SIPA1L2: variants seen among roughly 807,000 people sequenced by gnomAD.
SIPA1L2 encodes signal-induced proliferation-associated 1-like protein 2.
Under a neutral mutation model 163.9 loss-of-function variants are expected in SIPA1L2, and 56 were observed. That is an observed-to-expected ratio of 0.34 (90% confidence interval 0.28 to 0.43). The LOEUF is 0.43. Among genes scored for constraint, SIPA1L2 ranks in the 20% least tolerant of loss-of-function variants. The probability of loss-of-function intolerance (pLI) is 1.00; values close to 1 mark genes in which losing one functional copy is unlikely to be tolerated. For synonymous variants in SIPA1L2, 877 were observed against 865.7 expected (o/e 1.01, Z -0.23); for missense variants, 1,974 against 2,193.5 (o/e 0.90, Z 2.00).
intron 11 of SIPA1L2, among the ~76,000 whole-genome samples, chr1:232,444,117 A>T (rs574202188): frequency 7.9e-5 from 12 of 152,322 alleles, no homozygotes; most frequent in African/African-American, 2.9e-4. Context: ...AATTTGGCAA[A>T]ACCATTTATT....
chr1:232,573,207 C>T lies in SIPA1L2; in HGVS notation c.-270+967G>A, dbSNP rs544085806. Among the ~76,000 whole-genome samples the T allele has an allele frequency of 1.2e-4, 19 of 152,252 alleles. 1 individual carries two copies. Among genetic ancestry groups the T allele is most frequent in the East Asian group, 9.6e-4 (5 of 5,182 alleles). ...CACAGCAACTAAATGCAGCGCCTGA[C>T]CCTAGAGGGACCCTATATGGAGGGG... On this transcript the variant is annotated intron_variant, in intron 2 of 22. Coordinates refer to ENST00000674635, the MANE Select transcript of SIPA1L2 (RefSeq NM_020808.5).
At chr1:232,568,764 C>A (rs138014021) in intron 2 of SIPA1L2, among the ~76,000 whole-genome samples, 1 of 152,156 alleles carries the variant, frequency 6.6e-6, no homozygotes, top group Non-Finnish European at 1.5e-5. Flanking sequence ...ATAAAGTACA[C>A]CAAAATGCAC....
chr1:232,557,664 T>C (rs1421286656), intron 2 of SIPA1L2, among the ~76,000 whole-genome samples: 1 of 152,208 alleles, frequency 6.6e-6, no homozygotes, highest in Non-Finnish European at 1.5e-5. Flanking sequence ...CCCTATTCCG[T>C]GTTCTGAGAG....
intron 7 of SIPA1L2, among the ~76,000 whole-genome samples, chr1:232,471,806 C>A (rs978251406): frequency 2.6e-5 from 4 of 152,206 alleles, no homozygotes; most frequent in African/African-American, 9.6e-5. Flanking sequence ...TCTTTTTAAA[C>A]CCCTAAAATA....
chr1:232,416,223 A>G (rs928516405), intron 18 of SIPA1L2, among the ~76,000 whole-genome samples: 1 of 152,244 alleles, frequency 6.6e-6, no homozygotes, highest in African/African-American at 2.4e-5. Flanking sequence ...AGGAACCACC[A>G]TCCCCTCCCA....
At chr1:232,609,648 G>A (rs1662137927) in intron 1 of SIPA1L2, among the ~76,000 whole-genome samples, 1 of 151,936 alleles carries the variant, frequency 6.6e-6, no homozygotes, top group Non-Finnish European at 1.5e-5. Flanking sequence ...GGCCAACATA[G>A]TGAAACCCTG....
Position 232,509,179 on chromosome 1 carries a change from C to T in SIPA1L2, c.1483+4678G>A, listed in dbSNP as rs141207030. On this transcript the variant is annotated intron_variant, in intron 3 of 22. Coordinates refer to ENST00000674635, the MANE Select transcript of SIPA1L2 (RefSeq NM_020808.5). ...TGTCACACAGTTTCCTGTGTCCTGC[C>T]ACTCCCCTGCAGAAATCCTTTCACA... is the stretch of plus-strand genomic sequence containing the variant. Among the ~76,000 whole-genome samples, 820 of 152,356 alleles carry T rather than the reference C, an allele frequency of 5.4e-3. 6 individuals carry two copies. The highest frequency in any genetic ancestry group is 6.9e-3 in the Non-Finnish European group (472 of 68,036).
chr1:232,557,997 G>C (rs981758050), intron 2 of SIPA1L2, among the ~76,000 whole-genome samples: 1 of 152,178 alleles, frequency 6.6e-6, no homozygotes, highest in Non-Finnish European at 1.5e-5. Flanking sequence ...TGTCTGTATG[G>C]AGAGTAAGCC....
chr1:232,564,396 C>T (rs1659279619), intron 2 of SIPA1L2, among the ~76,000 whole-genome samples: 1 of 151,504 alleles, frequency 6.6e-6, no homozygotes, highest in East Asian at 2.0e-4. Flanking sequence ...TTTTTTAGAC[C>T]CCATCAGGTC....
In SIPA1L2 at chr1:232,459,670, A is replaced by C. The variant is rs555992237; in HGVS notation, c.3095+1217T>G. ...TGGGACTACAGGTGCACACTACTGC[A>C]CCTGGCTAATTTTTGTATTTTTTGA... On this transcript the variant is annotated intron_variant, in intron 10 of 22. Transcript: ENST00000674635. 2.6e-5 allele frequency among the ~76,000 whole-genome samples: 4 copies of C among 151,986 alleles called. No individual in the cohort carries two copies. In the South Asian group the frequency reaches 8.3e-4, roughly 32 times the overall value.
intron 1 of SIPA1L2, among the ~76,000 whole-genome samples, chr1:232,607,286 T>C (rs1396767075): frequency 6.6e-6 from 1 of 152,222 alleles, no homozygotes; most frequent in African/African-American, 2.4e-5. Context: ...AAGAAAATGT[T>C]TTCATTTAAT....
intron 3 of SIPA1L2, among the ~76,000 whole-genome samples, chr1:232,513,071 T>C (rs1167805510): frequency 6.6e-6 from 1 of 152,148 alleles, no homozygotes; most frequent in Non-Finnish European, 1.5e-5. Flanking sequence ...AAGAAGGTGG[T>C]GAGAGGTGCC....
chr1:232,597,689 C>CAAAAAAAAAAAAAA (rs376123118), intron 1 of SIPA1L2, among the ~76,000 whole-genome samples: 1 of 65,386 alleles, frequency 1.5e-5, no homozygotes, highest in Non-Finnish European at 2.8e-5. Flanking sequence ...AACTCTGTCT[C>CAAAAAAAAAAAAAA]AAAAAAAAAA....
intron 14 of SIPA1L2, 26 bp downstream of exon 14, chr1:232,441,265 G>A (rs1354131677): frequency 2.6e-6 from 4 of 1,560,680 alleles, no homozygotes; most frequent in Non-Finnish European, 3.5e-6. Context: ...CTAGGCCAGT[G>A]AAGGGCTTAT....
intron 1 of SIPA1L2, among the ~76,000 whole-genome samples, chr1:232,611,979 C>T (rs1223170202): frequency 1.3e-5 from 2 of 152,278 alleles, no homozygotes; most frequent in South Asian, 2.1e-4. Flanking sequence ...GTTCCTGTGC[C>T]GTGTGCAGCT....
chr1:232,490,474 G>GCTT (rs1665869718), intron 5 of SIPA1L2, among the ~76,000 whole-genome samples: 1 of 152,056 alleles, frequency 6.6e-6, no homozygotes, highest in Non-Finnish European at 1.5e-5. Flanking sequence ...TCTTCCTAAC[G>GCTT]CTTGCTGTTC....
chr1:232,565,818 A>G (rs1659369436), intron 2 of SIPA1L2, among the ~76,000 whole-genome samples: 1 of 152,172 alleles, frequency 6.6e-6, no homozygotes, highest in South Asian at 2.1e-4. Context: ...CAATGATCCA[A>G]TATCCTGTGA....
Position 232,564,221 on chromosome 1 carries a change from GT to G in SIPA1L2, c.-270+9952del, listed in dbSNP as rs796828484. On this transcript the variant is annotated intron_variant, in intron 2 of 22. Transcript: ENST00000674635. ...ATGTTGGCCAGACTGAACGACAAAG[GT>G]TTTTTTTTTTTTCGTGTGTGTGTGT... Among the ~76,000 whole-genome samples the G allele has an allele frequency of 3.4e-3, 196 of 56,876 alleles. 9 individuals carry two copies. The highest frequency in any genetic ancestry group is 0.015 in the African/African-American group (108 of 7,196). 37.3% of individuals were successfully genotyped at this position (56,876 alleles called of 152,430 possible).
intron 12 of SIPA1L2, among the ~76,000 whole-genome samples, chr1:232,442,446 G>A (rs1572903263): frequency 6.6e-6 from 1 of 151,336 alleles, no homozygotes; most frequent in Non-Finnish European, 1.5e-5. Context: ...TACCCAGGAG[G>A]CTGAGGCAGG....
Sources: gnomAD v4.1 joint callset for allele counts (sites outside exome capture counted in the v4.1 genomes callset) on GRCh38, gnomAD v4.1.1 for gene constraint, MANE v1.5 for transcripts, NCBI Gene and HGNC (gene_info 2026-07-23, HGNC 2026-07-21) for gene names.